Variants in CD247 observed in about 807,000 individuals in gnomAD.
CD247 encodes the protein T-cell surface glycoprotein CD3 zeta chain.
CD247 carries 13 observed loss-of-function variants against 30.0 expected under a neutral mutation model. The observed-to-expected ratio is 0.43, with a 90% CI of 0.28 to 0.69. CD247 has a LOEUF of 0.69. Ranked by LOEUF, CD247 falls within the 30% of genes least tolerant of loss-of-function variation. The probability of loss-of-function intolerance (pLI) is 0.16; values close to 1 mark genes in which losing one functional copy is unlikely to be tolerated. For synonymous variants in CD247, 72 were observed against 80.0 expected (o/e 0.90, Z 0.53); for missense variants, 193 against 212.6 (o/e 0.91, Z 0.57).
intron 1 of CD247, among the ~76,000 whole-genome samples, chr1:167,495,091 A>C (rs35468136): frequency 3.3e-5 from 5 of 152,236 alleles, no homozygotes; most frequent in African/African-American, 1.2e-4. Context: ...GTCTTAGGTG[A>C]ACTTTCAAAG....
chr1:167,469,341 C>T (rs141931290), intron 1 of CD247, among the ~76,000 whole-genome samples: 5 of 152,282 alleles, frequency 3.3e-5, no homozygotes, highest in African/African-American at 9.6e-5. Context: ...AAACCATGGG[C>T]CCACAGAGCT....
chr1:167,481,955 C>G (rs1383071586), intron 1 of CD247, among the ~76,000 whole-genome samples: 2 of 152,152 alleles, frequency 1.3e-5, no homozygotes, highest in Non-Finnish European at 2.9e-5. Flanking sequence ...TGCAGCAGGA[C>G]CTGCCTGTAT....
chr1:167,439,455 C>G, intron 2 of CD247, 55 bp from the exon 3 acceptor site: 1 of 1,568,196 alleles, frequency 6.4e-7, no homozygotes, highest in Non-Finnish European at 8.8e-7. Flanking sequence ...GCAGGGGAGC[C>G]GGGGTGCCAG....
rs1490858223 is a variant in CD247 at position 167,518,524 on chromosome 1, A to T, written c.-59T>A. The T allele has an allele frequency of 1.6e-5, 23 of 1,481,216 alleles. No individual in the cohort carries two copies. The highest frequency in any genetic ancestry group is 3.3e-5 in the Admixed American group (2 of 59,802). The allele number at this position is 1,481,216 out of a possible 1,614,324, so 91.8% of individuals were successfully genotyped here. Reference sequence around the variant, plus strand: ...AGAGGCTGAGGCAGCGGTGGCCGGGACGGTTAGGAGAAAAGGAGTCTCTGC... The same window carrying T: ...AGAGGCTGAGGCAGCGGTGGCCGGGTCGGTTAGGAGAAAAGGAGTCTCTGC... On this transcript the variant is annotated 5_prime_UTR_variant, in exon 1 of 8. Transcript: ENST00000362089.
At chr1:167,456,274 G>T (rs1329357450) in intron 1 of CD247, among the ~76,000 whole-genome samples, 2 of 152,260 alleles carry the variant, frequency 1.3e-5, no homozygotes, top group East Asian at 3.9e-4. Flanking sequence ...CTGTGCCTGG[G>T]GCTGTGCTGG....
chr1:167,507,452 T>C (rs1383181725), intron 1 of CD247, among the ~76,000 whole-genome samples: 1 of 152,188 alleles, frequency 6.6e-6, no homozygotes, highest in Admixed American at 6.5e-5. Flanking sequence ...GGTTGGCCAA[T>C]TAGAAGGTTA....
chr1:167,435,737 G>A (rs538566267), intron 4 of CD247, among the ~76,000 whole-genome samples: 2 of 152,370 alleles, frequency 1.3e-5, no homozygotes, highest in African/African-American at 4.8e-5. Flanking sequence ...CTGACAAGTG[G>A]GACTTTTGGC....
intron 5 of CD247, chr1:167,434,297 T>A: frequency 1.7e-6 from 1 of 602,796 alleles, no homozygotes; most frequent in Non-Finnish European, 3.0e-6. Flanking sequence ...TCCTCCGAGC[T>A]GCCAGCTCTT....
At chr1:167,455,096 C>T (rs1652575126) in intron 1 of CD247, among the ~76,000 whole-genome samples, 1 of 152,206 alleles carries the variant, frequency 6.6e-6, no homozygotes, top group Non-Finnish European at 1.5e-5. Flanking sequence ...ACGCAAGGCA[C>T]AGGGGGACGC....
chr1:167,435,535 G>A, intron 4 of CD247, 101 bp from the exon 5 acceptor site: 1 of 958,140 alleles, frequency 1.0e-6, no homozygotes, highest in Non-Finnish European at 1.7e-6. Context: ...AGTTTCCTGG[G>A]GCTCTGCCGT....
chr1:167,457,860 G>C (rs1652778540), intron 1 of CD247: 1 of 152,142 alleles, frequency 6.6e-6, no homozygotes. Flanking sequence ...TACCACTGCA[G>C]GACTGTAGGA....
intron 1 of CD247, among the ~76,000 whole-genome samples, chr1:167,453,715 C>T (rs1410676419): frequency 1.3e-5 from 2 of 152,134 alleles, no homozygotes. Flanking sequence ...TGCCTGTAAT[C>T]CTAGCACTTT....
chr1:167,487,563 C>A (rs1207728196), intron 1 of CD247, among the ~76,000 whole-genome samples: 1 of 152,196 alleles, frequency 6.6e-6, no homozygotes, highest in Non-Finnish European at 1.5e-5. Flanking sequence ...AACCGCATAA[C>A]CTTACTGGAG....
intron 1 of CD247, among the ~76,000 whole-genome samples, chr1:167,453,632 T>C (rs931094168): frequency 3.9e-5 from 6 of 152,138 alleles, no homozygotes; most frequent in Admixed American, 6.5e-5. Context: ...CAACAGATAA[T>C]TCTACATGTG....
intron 2 of CD247, chr1:167,439,647 G>A: frequency 8.8e-6 from 5 of 567,332 alleles, no homozygotes; most frequent in Non-Finnish European, 1.6e-5. Context: ...AGGACCCGCT[G>A]GAGTTTATTC....
At position 167,439,298 on chromosome 1, in the gene CD247, G is replaced by T. The variant is rs146541990; in HGVS notation, c.219+46C>A. The T allele has an allele frequency of 5.6e-5, 88 of 1,571,018 alleles. 2 individuals carry two copies. The African/African-American group carries it at 9.7e-4, about 17-fold the overall frequency. On this transcript the variant is annotated intron_variant, in intron 3 of 7. Transcript: ENST00000362089. Reference sequence around the variant, plus strand: ...GGGCGCGTTCCCTAGGTCCGAGGAGGAGGCTGCCCTTCCTTTCCGGAGGGT... The same window carrying T: ...GGGCGCGTTCCCTAGGTCCGAGGAGTAGGCTGCCCTTCCTTTCCGGAGGGT...
At chr1:167,450,911 C>CAA (rs35555237) in intron 1 of CD247, among the ~76,000 whole-genome samples, 2 of 116,494 alleles carry the variant, frequency 1.7e-5, no homozygotes, top group Non-Finnish European at 1.8e-5. Flanking sequence ...GCATCTGTCT[C>CAA]AAAAAAAAAA....
intron 1 of CD247, among the ~76,000 whole-genome samples, chr1:167,479,281 T>G (rs986320380): frequency 6.6e-6 from 1 of 152,250 alleles, no homozygotes; most frequent in African/African-American, 2.4e-5. Context: ...TATTCTTTTC[T>G]GTACTTTCAG....
chr1:167,447,400 A>G (rs1652135316), intron 1 of CD247, among the ~76,000 whole-genome samples: 5 of 151,986 alleles, frequency 3.3e-5, no homozygotes, highest in African/African-American at 1.2e-4. Flanking sequence ...CTGCTTGAAT[A>G]TCTCTGGTGA....
Sources: gnomAD v4.1 joint callset for allele counts (sites outside exome capture counted in the v4.1 genomes callset) on GRCh38, gnomAD v4.1.1 for gene constraint, MANE v1.5 for transcripts, NCBI Gene and HGNC (gene_info 2026-07-23, HGNC 2026-07-21) for gene names.